HEMK2: variants seen among roughly 807,000 people sequenced by gnomAD.
The protein encoded by HEMK2 is HemK methyltransferase 2, ETF1 glutamine and histone H4 lysine.
the HEMK2 span, among the ~76,000 whole-genome samples, chr21:28,640,593 C>T: frequency 1.3e-5 from 2 of 152,156 alleles, no homozygotes; most frequent in Non-Finnish European, 2.9e-5. Flanking sequence ...TCTGAAATCC[C>T]TGCATCTGCA....
chr21:28,815,400 G>C, the HEMK2 span, among the ~76,000 whole-genome samples: 1 of 151,726 alleles, frequency 6.6e-6, no homozygotes, highest in Non-Finnish European at 1.5e-5. Flanking sequence ...AAGAAAAAAA[G>C]ATAGGGAAGG....
At chr21:28,808,285 G>A in the HEMK2 span, among the ~76,000 whole-genome samples, 4 of 152,020 alleles carry the variant, frequency 2.6e-5, no homozygotes, top group African/African-American at 9.7e-5. Context: ...TTTATAGTAA[G>A]TCTTGAAGTC....
chr21:28,730,418 A>ACACACACACACAATTTAT, the HEMK2 span, among the ~76,000 whole-genome samples: 7,806 of 141,872 alleles, frequency 0.055, 228 homozygotes, highest in Non-Finnish European at 0.063. Flanking sequence ...ACACACACAC[A>ACACACACACACAATTTAT]TTTCTCACAA....
chr21:28,709,951 T>C, the HEMK2 span, among the ~76,000 whole-genome samples: 2 of 152,226 alleles, frequency 1.3e-5, no homozygotes, highest in Non-Finnish European at 2.9e-5. Flanking sequence ...CAGTGCTGTG[T>C]TCTTTTGACC....
chr21:28,812,994 T>C, the HEMK2 span, among the ~76,000 whole-genome samples: 1 of 152,186 alleles, frequency 6.6e-6, no homozygotes, highest in Non-Finnish European at 1.5e-5. Flanking sequence ...CCCTTTATCA[T>C]TTTTTATTGT....
chr21:28,678,883 T>G, the HEMK2 span, among the ~76,000 whole-genome samples: 1 of 152,122 alleles, frequency 6.6e-6, no homozygotes, highest in East Asian at 1.9e-4. Flanking sequence ...CTAAAAGAGT[T>G]CCTGAAGGAA....
the HEMK2 span, among the ~76,000 whole-genome samples, chr21:28,880,252 T>C: frequency 0.013 from 2,031 of 152,330 alleles, 69 homozygotes; most frequent in Admixed American, 0.068. Flanking sequence ...CAAACTCTAA[T>C]TCTGTATAAT....
At chr21:28,826,695 G>T in the HEMK2 span, among the ~76,000 whole-genome samples, 1 of 152,136 alleles carries the variant, frequency 6.6e-6, no homozygotes, top group Admixed American at 6.5e-5. Flanking sequence ...CACAAAATCC[G>T]AAAGCAAACA....
chr21:28,724,428 T>C, the HEMK2 span, among the ~76,000 whole-genome samples: 1 of 152,244 alleles, frequency 6.6e-6, no homozygotes, highest in South Asian at 2.1e-4. Flanking sequence ...ATTTACATAA[T>C]TGCATTACTA....
the HEMK2 span, among the ~76,000 whole-genome samples, chr21:28,758,389 A>T: frequency 9.9e-5 from 15 of 152,216 alleles, no homozygotes; most frequent in Non-Finnish European, 2.1e-4. Flanking sequence ...GGCAAATATG[A>T]TCATAGCAAA....
At chr21:28,692,913 T>C in the HEMK2 span, among the ~76,000 whole-genome samples, 2 of 152,190 alleles carry the variant, frequency 1.3e-5, no homozygotes, top group Non-Finnish European at 2.9e-5. Flanking sequence ...ACATTTTGTA[T>C]GCTTCCATCT....
At chr21:28,603,755 A>G in the HEMK2 span, among the ~76,000 whole-genome samples, 847 of 152,250 alleles carry the variant, frequency 5.6e-3, 9 homozygotes, top group African/African-American at 0.02. Context: ...CACTCCCACA[A>G]TGTGTTTAGT....
the HEMK2 span, among the ~76,000 whole-genome samples, chr21:28,682,636 C>A: frequency 4.6e-5 from 7 of 152,260 alleles, no homozygotes; most frequent in African/African-American, 1.7e-4. Context: ...ACAATAGCAA[C>A]GACTTGGAAC....
At chr21:28,718,260 T>C in the HEMK2 span, among the ~76,000 whole-genome samples, 2 of 152,222 alleles carry the variant, frequency 1.3e-5, no homozygotes, top group Non-Finnish European at 2.9e-5. Context: ...TTGATTTCTA[T>C]TTTATTCCAC....
the HEMK2 span, among the ~76,000 whole-genome samples, chr21:28,809,803 T>C: frequency 2.3e-4 from 35 of 152,198 alleles, no homozygotes; most frequent in African/African-American, 8.2e-4. Flanking sequence ...AATTACAGAG[T>C]AGAATTCATA....
chr21:28,734,717 C>T, the HEMK2 span, among the ~76,000 whole-genome samples: 4 of 152,126 alleles, frequency 2.6e-5, no homozygotes, highest in African/African-American at 9.7e-5. Flanking sequence ...TCAACAAAAG[C>T]TTTCTATCTG....
chr21:28,713,636 G>A, the HEMK2 span, among the ~76,000 whole-genome samples: 1 of 152,002 alleles, frequency 6.6e-6, no homozygotes, highest in African/African-American at 2.4e-5. Flanking sequence ...ACTTTCTCAG[G>A]GAACCTTCCC....
At chr21:28,864,808 A>AAGACAGAC in the HEMK2 span, among the ~76,000 whole-genome samples, 9 of 103,092 alleles carry the variant, frequency 8.7e-5, no homozygotes, top group African/African-American at 2.1e-4. Context: ...CTCTCTCTGA[A>AAGACAGAC]AGACAGACAG....
chr21:28,714,675 G>A, the HEMK2 span, among the ~76,000 whole-genome samples: 2 of 152,108 alleles, frequency 1.3e-5, no homozygotes, highest in Non-Finnish European at 2.9e-5. Flanking sequence ...TTTTGATTTG[G>A]GGTACATGTG....
Sources: allele counts gnomAD v4.1 joint callset (sites outside exome capture counted in the v4.1 genomes callset), GRCh38; gene constraint gnomAD v4.1.1; transcripts MANE v1.5; gene names NCBI Gene and HGNC (gene_info 2026-07-23, HGNC 2026-07-21).